Variants in SENP6 observed in about 807,000 individuals in gnomAD.
SENP6 encodes sentrin-specific protease 6.
SENP6 carries 41 observed loss-of-function variants against 134.5 expected under a neutral mutation model. The ratio of observed to expected loss-of-function variants is 0.30; its 90% CI spans 0.24 to 0.40. SENP6 has a LOEUF of 0.40. Among genes scored for constraint, SENP6 ranks in the 10% least tolerant of loss-of-function variants. The pLI is 1.00. For synonymous variants in SENP6, 395 were observed against 429.8 expected (o/e 0.92, Z 1.00); for missense variants, 1,248 against 1,312.5 (o/e 0.95, Z 0.76).
chr6:75,693,157 T>G (rs866545672), intron 16 of SENP6, among the ~76,000 whole-genome samples: 1 of 152,134 alleles, frequency 6.6e-6, no homozygotes, highest in African/African-American at 2.4e-5. Context: ...CCCAGCATTT[T>G]GGGAGGCCAG....
intron 7 of SENP6, among the ~76,000 whole-genome samples, chr6:75,655,693 G>A (rs2149857338): frequency 6.6e-6 from 1 of 152,220 alleles, no homozygotes; most frequent in East Asian, 1.9e-4. Context: ...CGATTTTCCT[G>A]ATAATCGATA....
At chr6:75,627,952 G>GT (rs1239386128) in intron 3 of SENP6, among the ~76,000 whole-genome samples, 2 of 151,996 alleles carry the variant, frequency 1.3e-5, no homozygotes, top group Non-Finnish European at 2.9e-5. Context: ...GATTACAGGC[G>GT]TGAGCCACCA....
chr6:75,653,606 A>C (rs1771083271), intron 7 of SENP6, among the ~76,000 whole-genome samples: 1 of 151,440 alleles, frequency 6.6e-6, no homozygotes, highest in African/African-American at 2.4e-5. Context: ...AGTATTTAAT[A>C]AATTGCTCTA....
chr6:75,705,437 C>G (rs1372259239), intron 19 of SENP6, among the ~76,000 whole-genome samples: 1 of 152,060 alleles, frequency 6.6e-6, no homozygotes. Context: ...CCTAGCTACT[C>G]AGGAGGCTGA....
At chr6:75,690,349 A>T (rs750992626) in intron 16 of SENP6, among the ~76,000 whole-genome samples, 1 of 152,248 alleles carries the variant, frequency 6.6e-6, no homozygotes, top group African/African-American at 2.4e-5. Flanking sequence ...TGCAATATGT[A>T]TACATTTCCT....
intron 1 of SENP6, among the ~76,000 whole-genome samples, chr6:75,606,611 A>G (rs770793883): frequency 2.0e-4 from 30 of 152,318 alleles, no homozygotes; most frequent in Admixed American, 1.8e-3. Context: ...AAGTACAGCA[A>G]TCAGTGGTGG....
intron 3 of SENP6, 52 bp downstream of exon 3, chr6:75,624,012 G>T: frequency 8.5e-6 from 12 of 1,405,096 alleles, no homozygotes; most frequent in Non-Finnish European, 9.9e-6. Context: ...CAAAAAAATT[G>T]TTACCTCAAA....
intron 3 of SENP6, among the ~76,000 whole-genome samples, chr6:75,628,116 A>G (rs1768838797): frequency 1.3e-5 from 2 of 152,206 alleles, no homozygotes; most frequent in Non-Finnish European, 2.9e-5. Context: ...ATATGATAGT[A>G]TCATCTATTT....
chr6:75,655,894 A>G (rs1771285627), intron 7 of SENP6, among the ~76,000 whole-genome samples: 1 of 152,038 alleles, frequency 6.6e-6, no homozygotes, highest in South Asian at 2.1e-4. Flanking sequence ...CCTTTTGTGC[A>G]TACCTGGAAA....
chr6:75,678,226 T>C (rs1414053775), intron 14 of SENP6: 1 of 198,274 alleles, frequency 5.0e-6, no homozygotes, highest in Non-Finnish European at 9.9e-6. Flanking sequence ...CCCTACATCT[T>C]ATAGATTGCC....
chr6:75,664,886 T>A (rs781276225), intron 9 of SENP6, among the ~76,000 whole-genome samples: 3 of 152,242 alleles, frequency 2.0e-5, no homozygotes, highest in Non-Finnish European at 4.4e-5. Flanking sequence ...ATAGTTTATG[T>A]GTAGCAGGGA....
chr6:75,665,913 G>A (rs534367368), intron 9 of SENP6, among the ~76,000 whole-genome samples: 4 of 151,750 alleles, frequency 2.6e-5, no homozygotes, highest in Non-Finnish European at 5.9e-5. Context: ...TGTAATCCCA[G>A]GTGCTGGGGA....
chr6:75,630,311 C>G (rs987793308), intron 3 of SENP6, among the ~76,000 whole-genome samples: 3 of 152,158 alleles, frequency 2.0e-5, no homozygotes, highest in Non-Finnish European at 4.4e-5. Context: ...CTGAGGTGAT[C>G]CATCAGCCTC....
At position 75,677,008 on chromosome 6, in the gene SENP6, A is replaced by G; in HGVS notation, c.1622-22A>G. ...TTACTTCTTTTGTGTTTTTTTTTGG[A>G]CTTATATTTATTTCTTTTCAGATTT... is the stretch of plus-strand genomic sequence containing the variant. On this transcript the variant is annotated intron_variant, in intron 13 of 23. Transcript: ENST00000447266. 4.4e-6 allele frequency: 5 copies of G among 1,145,434 alleles called. No individual in the cohort carries two copies. The South Asian group carries it at 5.6e-5, about 13-fold the overall frequency. 71.0% of individuals were successfully genotyped at this position (1,145,434 alleles called of 1,614,324 possible).
intron 19 of SENP6, among the ~76,000 whole-genome samples, chr6:75,709,046 T>C (rs1427563994): frequency 6.6e-6 from 1 of 152,206 alleles, no homozygotes; most frequent in Non-Finnish European, 1.5e-5. Context: ...TTAATGTTCA[T>C]TTTTGCCCTG....
At chr6:75,605,577 C>T (rs1003553908) in intron 1 of SENP6, among the ~76,000 whole-genome samples, 2 of 152,028 alleles carry the variant, frequency 1.3e-5, no homozygotes, top group African/African-American at 4.8e-5. Context: ...TAAGTAAACA[C>T]CTTAACTAAG....
intron 7 of SENP6, among the ~76,000 whole-genome samples, chr6:75,649,278 A>G (rs886443224): frequency 6.6e-6 from 1 of 151,984 alleles, no homozygotes; most frequent in African/African-American, 2.4e-5. Context: ...TCGCATCACT[A>G]CGCTCCAGCC....
At chr6:75,711,924 G>C (rs9359137) in intron 21 of SENP6, among the ~76,000 whole-genome samples, 92,299 of 152,116 alleles carry the variant, frequency 0.61, 28,358 homozygotes, top group South Asian at 0.66. Context: ...CCGCCCCTCT[G>C]AGCCTTCCAA....
intron 7 of SENP6, 79 bp downstream of exon 7, chr6:75,647,880 T>A (rs1770578317): frequency 3.7e-6 from 4 of 1,076,374 alleles, no homozygotes; most frequent in Non-Finnish European, 5.5e-6. Context: ...CGATGCTGGC[T>A]TTAGAATATT....
Sources: gnomAD v4.1 joint callset for allele counts (sites outside exome capture counted in the v4.1 genomes callset) on GRCh38, gnomAD v4.1.1 for gene constraint, MANE v1.5 for transcripts, NCBI Gene and HGNC (gene_info 2026-07-23, HGNC 2026-07-21) for gene names.